The following NRXN3 variants were observed in gnomAD, a reference collection of about 807,000 sequenced individuals.
NRXN3 encodes the protein neurexin III.
A neutral mutation model predicts 137.6 loss-of-function variants in NRXN3; 32 were observed. The observed-to-expected ratio is 0.23, with a 90% CI of 0.18 to 0.31. The LOEUF (loss-of-function observed/expected upper bound fraction) is 0.31, where lower values mean the gene tolerates loss of function less well. Among genes scored for constraint, NRXN3 ranks in the 10% least tolerant of loss-of-function variants. NRXN3 has a pLI of 1.00. For missense variants in NRXN3, 1,574 were observed against 2,062.5 expected (o/e 0.76, Z 4.59); for synonymous variants, 798 against 784.5 (o/e 1.02, Z -0.29).
chr14:78,594,392 G>A (rs1256293102), intron 4 of NRXN3, among the ~76,000 whole-genome samples: 1 of 152,126 alleles, frequency 6.6e-6, no homozygotes, highest in South Asian at 2.1e-4. Context: ...CACACCAAAT[G>A]CCACTACAAT....
intron 10 of NRXN3, among the ~76,000 whole-genome samples, chr14:78,889,733 A>T (rs1437241641): frequency 3.3e-5 from 5 of 151,984 alleles, no homozygotes; most frequent in Non-Finnish European, 5.9e-5. Flanking sequence ...GGGAGGTAAA[A>T]CACACATACC....
At chr14:78,657,497 C>A (rs1037917907) in intron 6 of NRXN3, among the ~76,000 whole-genome samples, 3 of 152,120 alleles carry the variant, frequency 2.0e-5, no homozygotes, top group African/African-American at 7.2e-5. Flanking sequence ...CTCATGGCAT[C>A]TCTAATGGGG....
chr14:79,349,774 A>G (rs887278747), intron 15 of NRXN3, among the ~76,000 whole-genome samples: 6 of 152,148 alleles, frequency 3.9e-5, no homozygotes, highest in Admixed American at 2.0e-4. Context: ...ATCTGATAGG[A>G]CTAGTGTCCT....
chr14:78,632,259 A>G (rs1460327382), intron 4 of NRXN3, among the ~76,000 whole-genome samples: 5 of 152,116 alleles, frequency 3.3e-5, no homozygotes, highest in South Asian at 2.1e-4. Context: ...CCCAAAGTAT[A>G]TGGTTAATAC....
At chr14:78,761,590 A>G (rs1213077480) in intron 8 of NRXN3, among the ~76,000 whole-genome samples, 5 of 152,168 alleles carry the variant, frequency 3.3e-5, no homozygotes, top group Non-Finnish European at 7.4e-5. Flanking sequence ...TTGAACTTTT[A>G]CTTGATTGTA....
chr14:78,726,258 G>C (rs191412671), intron 8 of NRXN3, among the ~76,000 whole-genome samples: 2 of 151,826 alleles, frequency 1.3e-5, no homozygotes, highest in African/African-American at 2.4e-5. Flanking sequence ...TTTTACATAG[G>C]TATACATGTG....
chr14:78,629,247 G>A (rs2097498037), intron 4 of NRXN3, among the ~76,000 whole-genome samples: 1 of 152,130 alleles, frequency 6.6e-6, no homozygotes, highest in South Asian at 2.1e-4. Flanking sequence ...GCGATGACAG[G>A]CACGTAATAG....
chr14:79,030,485 TGCA>T (rs1462344915), intron 15 of NRXN3, among the ~76,000 whole-genome samples: 6 of 152,034 alleles, frequency 3.9e-5, no homozygotes, highest in African/African-American at 1.4e-4. Context: ...GTAATTTAGC[TGCA>T]GCCTTTTCCC....
intron 16 of NRXN3, among the ~76,000 whole-genome samples, chr14:79,525,640 G>C (rs757108206): frequency 1.4e-4 from 21 of 152,156 alleles, no homozygotes; most frequent in Non-Finnish European, 2.2e-4. Flanking sequence ...TAAGTGTTCT[G>C]TTTTCATTGC....
chr14:78,734,250 CACA>C (rs1567176518), intron 8 of NRXN3, among the ~76,000 whole-genome samples: 615 of 145,050 alleles, frequency 4.2e-3, no homozygotes, highest in East Asian at 0.016. Context: ...CACACACACA[CACA>C]CCCTTTTCAT....
At chr14:78,271,549 C>T (rs979977033) in intron 2 of NRXN3, among the ~76,000 whole-genome samples, 14 of 151,972 alleles carry the variant, frequency 9.2e-5, no homozygotes, top group African/African-American at 3.4e-4. Flanking sequence ...ATTGCCTCTT[C>T]TCGCAACTGT....
intron 8 of NRXN3, among the ~76,000 whole-genome samples, chr14:78,789,645 C>G (rs1422596544): frequency 6.6e-6 from 1 of 152,154 alleles, no homozygotes; most frequent in Admixed American, 6.6e-5. Context: ...ATGGCAAAAA[C>G]TGCAATTACC....
At chr14:79,679,149 A>G (rs2098656194) in intron 17 of NRXN3, among the ~76,000 whole-genome samples, 1 of 151,580 alleles carries the variant, frequency 6.6e-6, no homozygotes, top group Non-Finnish European at 1.5e-5. Context: ...CTTACATCTC[A>G]TATCTAGGAG....
At chr14:79,275,350 G>A (rs1380069871) in intron 15 of NRXN3, among the ~76,000 whole-genome samples, 1 of 152,036 alleles carries the variant, frequency 6.6e-6, no homozygotes, top group Non-Finnish European at 1.5e-5. Context: ...AAAAAGCTTA[G>A]GGCTCACACA....
At chr14:79,029,291 A>G (rs1173648009) in intron 15 of NRXN3, among the ~76,000 whole-genome samples, 2 of 152,032 alleles carry the variant, frequency 1.3e-5, no homozygotes, top group Non-Finnish European at 1.5e-5. Context: ...TATAGCATCT[A>G]TTTGCTTAGT....
At chr14:79,420,414 G>C (rs1166941730) in intron 15 of NRXN3, among the ~76,000 whole-genome samples, 1 of 152,050 alleles carries the variant, frequency 6.6e-6, no homozygotes, top group African/African-American at 2.4e-5. Context: ...AATATCTTGA[G>C]CAGTAGGCTA....
chr14:79,414,841 A>G (rs916298627), intron 15 of NRXN3, among the ~76,000 whole-genome samples: 5 of 152,040 alleles, frequency 3.3e-5, no homozygotes, highest in African/African-American at 7.2e-5. Context: ...AGTTTGTACT[A>G]TTTGACCCAC....
intron 19 of NRXN3, among the ~76,000 whole-genome samples, chr14:79,764,986 C>T (rs1297510581): frequency 1.3e-5 from 2 of 152,162 alleles, no homozygotes; most frequent in African/African-American, 4.8e-5. Flanking sequence ...ATTAAATATG[C>T]TCTAAATTTG....
At chr14:79,713,175 T>C (rs906834980) in intron 19 of NRXN3, among the ~76,000 whole-genome samples, 2 of 145,396 alleles carry the variant, frequency 1.4e-5, no homozygotes, top group Non-Finnish European at 3.0e-5. Flanking sequence ...TTTTTTTTTT[T>C]TTTTTTTTTT....
Sources: allele counts gnomAD v4.1 joint callset (sites outside exome capture counted in the v4.1 genomes callset), GRCh38; gene constraint gnomAD v4.1.1; transcripts MANE v1.5; gene names NCBI Gene and HGNC (gene_info 2026-07-23, HGNC 2026-07-21).